The following NKAIN2 variants were observed in gnomAD, a reference collection of about 807,000 sequenced individuals.
NKAIN2 encodes sodium/potassium transporting ATPase interacting 2, also known as sodium/potassium-transporting ATPase subunit beta-1-interacting protein 2.
In NKAIN2, 14 loss-of-function variants were observed where a neutral mutation model predicts 32.6. That is an observed-to-expected ratio of 0.43 (90% confidence interval 0.28 to 0.67). The LOEUF is 0.67. Among genes scored for constraint, NKAIN2 ranks in the 30% least tolerant of loss-of-function variants. NKAIN2 has a pLI of 0.17. For missense variants in NKAIN2, 198 were observed against 258.3 expected (o/e 0.77, Z 1.60); for synonymous variants, 80 against 87.2 (o/e 0.92, Z 0.46).
chr6:124,712,475 G>A lies in NKAIN2; in HGVS notation c.474+54089G>A, dbSNP rs534660434. ...CTGTGCTAGCAATCAGCGAGACTCC[G>A]TGGGCGTAGGACCCTCCAAGCCAGG... On this transcript the variant is annotated intron_variant, in intron 4 of 6. Coordinates refer to ENST00000368417, the MANE Select transcript of NKAIN2 (RefSeq NM_001040214.3). 3.6e-3 allele frequency among the ~76,000 whole-genome samples: 411 copies of A among 115,322 alleles called. 95 individuals carry two copies. Among genetic ancestry groups the A allele is most frequent in the Non-Finnish European group, 5.8e-3 (315 of 54,480 alleles). The allele number at this position is 115,322 out of a possible 152,430, so 75.7% of individuals were successfully genotyped here. A position where few individuals can be genotyped will look rare whatever the true frequency, so the allele number is the denominator to read the frequency against.
Position 123,926,976 on chromosome 6 carries a change from TA to T in NKAIN2, c.54+122723del, listed in dbSNP as rs531712554. ...CTTCTTCCTAGGAACAAGGCAAGGC[TA>T]GGGATTCTTTACAGTTAAGATATGG... On this transcript the variant is annotated intron_variant, in intron 1 of 6. Transcript: ENST00000368417. 3.9e-5 allele frequency among the ~76,000 whole-genome samples: 6 copies of T among 152,328 alleles called. No homozygotes were observed. In the East Asian group the frequency reaches 1.2e-3, roughly 29 times the overall value.
At chr6:124,605,394 A>G (rs1365820630) in intron 3 of NKAIN2, among the ~76,000 whole-genome samples, 1 of 152,092 alleles carries the variant, frequency 6.6e-6, no homozygotes, top group Non-Finnish European at 1.5e-5. Flanking sequence ...CTTCCTCTGT[A>G]GCATGCAAGC....
rs879444854 is a variant in NKAIN2 at position 124,759,656 on chromosome 6, C to CACACACACACA, written c.475-31683_475-31682insACACACACACA. ...ACACACACACACACACACACACACA[C>CACACACACACA]CCCCTATCTCCCTTTCCTGCCTTAT... On this transcript the variant is annotated intron_variant, in intron 4 of 6. Transcript: ENST00000368417. 1.0e-3 allele frequency among the ~76,000 whole-genome samples: 68 copies of CACACACACACA among 66,372 alleles called. 2 individuals are homozygous for CACACACACACA. The highest frequency in any genetic ancestry group is 1.2e-3 in the African/African-American group (30 of 24,824). 43.5% of individuals were successfully genotyped at this position (66,372 alleles called of 152,430 possible). A position where few individuals can be genotyped will look rare whatever the true frequency, so the allele number is the denominator to read the frequency against.
At chr6:124,683,840 A>G (rs530779846) in intron 4 of NKAIN2, among the ~76,000 whole-genome samples, 1 of 152,194 alleles carries the variant, frequency 6.6e-6, no homozygotes, top group Non-Finnish European at 1.5e-5. Flanking sequence ...AGTAATGGCG[A>G]GCCCACATGG....
chr6:124,734,415 A>G (rs1409839775), intron 4 of NKAIN2, among the ~76,000 whole-genome samples: 1 of 151,810 alleles, frequency 6.6e-6, no homozygotes, highest in Non-Finnish European at 1.5e-5. Context: ...TTTTAAGTGT[A>G]GTTCTCACCA....
chr6:124,079,071 C>G (rs146999282), intron 1 of NKAIN2, among the ~76,000 whole-genome samples: 16 of 152,168 alleles, frequency 1.1e-4, no homozygotes, highest in African/African-American at 3.6e-4. Flanking sequence ...CCTGTAATCC[C>G]AGCACTTTGG....
At position 124,758,662 on chromosome 6, in the gene NKAIN2, A is replaced by G. The variant is rs774715187; in HGVS notation, c.475-32677A>G. Among the ~76,000 whole-genome samples the G allele has an allele frequency of 1.4e-4, 21 of 152,226 alleles. 1 individual carries two copies. In the South Asian group the frequency reaches 2.1e-3, roughly 15 times the overall value. ...GATTAATCTCTCTGTCTCCTACACTATCCATTCTGCCAGGGAATTCTGCTT... is the reference window on the plus strand; with the variant it reads ...GATTAATCTCTCTGTCTCCTACACTGTCCATTCTGCCAGGGAATTCTGCTT... On this transcript the variant is annotated intron_variant, in intron 4 of 6. Coordinates refer to ENST00000368417, the MANE Select transcript of NKAIN2 (RefSeq NM_001040214.3).
At chr6:124,396,419 C>A (rs1773381682) in intron 3 of NKAIN2, among the ~76,000 whole-genome samples, 1 of 140,712 alleles carries the variant, frequency 7.1e-6, no homozygotes. Flanking sequence ...ATAAGACCTG[C>A]TATTTGATTA....
intron 1 of NKAIN2, among the ~76,000 whole-genome samples, chr6:123,850,120 T>C (rs1242510536): frequency 6.6e-6 from 1 of 151,696 alleles, no homozygotes; most frequent in Non-Finnish European, 1.5e-5. Context: ...TTTTTTTCTT[T>C]AAATGTTTCT....
chr6:124,505,057 G>C (rs530693195), intron 3 of NKAIN2, among the ~76,000 whole-genome samples: 4 of 152,146 alleles, frequency 2.6e-5, no homozygotes, highest in East Asian at 3.9e-4. Flanking sequence ...GAAAAGAAAG[G>C]CTTTATAAAT....
intron 2 of NKAIN2, among the ~76,000 whole-genome samples, chr6:124,343,638 A>G (rs1160695420): frequency 6.6e-6 from 1 of 150,414 alleles, no homozygotes; most frequent in Non-Finnish European, 1.5e-5. Context: ...TCTTTTGAGA[A>G]GTGTCTGTTG....
At chr6:124,714,575 G>A (rs1158395047) in intron 4 of NKAIN2, among the ~76,000 whole-genome samples, 1 of 152,118 alleles carries the variant, frequency 6.6e-6, no homozygotes, top group East Asian at 1.9e-4. Context: ...TACTTATTAC[G>A]GGCTACACAT....
chr6:124,381,380 G>A (rs941456520), intron 3 of NKAIN2, among the ~76,000 whole-genome samples: 2 of 152,050 alleles, frequency 1.3e-5, no homozygotes, highest in African/African-American at 4.8e-5. Context: ...ACAGTTCTCA[G>A]TAATATTTAA....
chr6:124,555,005 A>C (rs979448064), intron 3 of NKAIN2, among the ~76,000 whole-genome samples: 1 of 151,916 alleles, frequency 6.6e-6, no homozygotes, highest in Admixed American at 6.6e-5. Context: ...TGTTTCCTGC[A>C]CTCCAGATGC....
At chr6:124,130,302 A>G (rs938329671) in intron 1 of NKAIN2, among the ~76,000 whole-genome samples, 30 of 152,202 alleles carry the variant, frequency 2.0e-4, no homozygotes, top group African/African-American at 7.2e-4. Context: ...AACTTTGATA[A>G]TGTTCTTTTC....
chr6:124,557,398 G>T (rs1416952121), intron 3 of NKAIN2, among the ~76,000 whole-genome samples: 1 of 152,050 alleles, frequency 6.6e-6, no homozygotes, highest in East Asian at 1.9e-4. Context: ...CGCTAAAAAG[G>T]CACAATTTTC....
chr6:124,782,258 A>G (rs1009867105), intron 4 of NKAIN2, among the ~76,000 whole-genome samples: 2 of 152,094 alleles, frequency 1.3e-5, no homozygotes, highest in African/African-American at 2.4e-5. Context: ...TGAGAGTACT[A>G]CTGACATCAT....
At chr6:124,125,036 G>A (rs183178260) in intron 1 of NKAIN2, among the ~76,000 whole-genome samples, 53 of 152,258 alleles carry the variant, frequency 3.5e-4, no homozygotes, top group South Asian at 8.3e-4. Flanking sequence ...ATAGGAGGCC[G>A]TACTTATTTG....
chr6:124,330,779 C>T (rs750354494), intron 2 of NKAIN2, among the ~76,000 whole-genome samples: 1 of 152,122 alleles, frequency 6.6e-6, no homozygotes, highest in African/African-American at 2.4e-5. Context: ...AACAGGTGAA[C>T]GGCAGGCAAG....
Sources: allele counts gnomAD v4.1 joint callset (sites outside exome capture counted in the v4.1 genomes callset), GRCh38; gene constraint gnomAD v4.1.1; transcripts MANE v1.5; gene names NCBI Gene and HGNC (gene_info 2026-07-23, HGNC 2026-07-21).